The following PCDHA10 variants were observed in gnomAD, a reference collection of about 807,000 sequenced individuals.
PCDHA10 encodes the protein protocadherin alpha 10.
A neutral mutation model predicts 61.2 loss-of-function variants in PCDHA10; 45 were observed. The observed-to-expected ratio is 0.74, with a 90% CI of 0.58 to 0.94. The LOEUF is 0.94. Ranked by LOEUF, PCDHA10 falls within the 40% of genes least tolerant of loss-of-function variation. The probability of loss-of-function intolerance (pLI) is 0.00; values close to 1 mark genes in which losing one functional copy is unlikely to be tolerated. For missense variants in PCDHA10, 1,278 were observed against 1,236.2 expected (o/e 1.03, Z -0.51); for synonymous variants, 602 against 548.8 (o/e 1.10, Z -1.35).
intron 1 of PCDHA10, chr5:140,927,070 A>G (rs1697871410): frequency 1.9e-6 from 3 of 1,610,816 alleles, no homozygotes; most frequent in Non-Finnish European, 2.5e-6. Context: ...CTTCCTTTCC[A>G]GCCACCGCGA....
chr5:140,857,764 G>C lies in PCDHA10; in HGVS notation c.1716G>C (p.Ala572=), dbSNP rs552891884. 4 of 1,597,520 alleles carry C rather than the reference G, an allele frequency of 2.5e-6. No homozygotes were observed. The highest frequency in any genetic ancestry group is 3.4e-6 in the Non-Finnish European group (4 of 1,167,634). The change falls in exon 1 of 4, where the codon GCG becomes GCC. Residue 572 remains alanine (A), a synonymous_variant. Transcript: ENST00000307360. ...TGCTGGCGTCTCCCGCTGGCAGCGC[G>C]GGCGGTGCAGTCAGTGAGCTGGTGC... ...PALLASPAGS[A]GGAVSELVLR...
At chr5:140,980,722 A>G (rs1318137295) in intron 2 of PCDHA10, among the ~76,000 whole-genome samples, 1 of 152,356 alleles carries the variant, frequency 6.6e-6, no homozygotes, top group South Asian at 2.1e-4. Context: ...TCGGGTTTCA[A>G]TTAAGATATT....
chr5:140,993,270 G>A (rs190721014), intron 3 of PCDHA10, among the ~76,000 whole-genome samples: 360 of 151,912 alleles, frequency 2.4e-3, no homozygotes, highest in African/African-American at 8.3e-3. Context: ...AGCTTCTTTG[G>A]TCTTTTCTTG....
At chr5:140,942,351 G>GCAGTTAA (rs1563195355) in intron 1 of PCDHA10, among the ~76,000 whole-genome samples, 1 of 152,024 alleles carries the variant, frequency 6.6e-6, no homozygotes. Context: ...GGCGGAGGTT[G>GCAGTTAA]CAGTTAACGG....
intron 1 of PCDHA10, among the ~76,000 whole-genome samples, chr5:140,893,800 T>C (rs1483033571): frequency 6.6e-6 from 1 of 152,174 alleles, no homozygotes; most frequent in Non-Finnish European, 1.5e-5. Flanking sequence ...ATTCCCTCCT[T>C]GTCTTGAGTC....
At chr5:140,927,694 G>A in intron 1 of PCDHA10, 1 of 1,614,202 alleles carries the variant, frequency 6.2e-7, no homozygotes, top group Non-Finnish European at 8.5e-7. Context: ...CAATGGGGAA[G>A]TCCAGTACTC....
chr5:140,941,461 G>A (rs1202773112), intron 1 of PCDHA10, among the ~76,000 whole-genome samples: 7 of 150,524 alleles, frequency 4.7e-5, no homozygotes, highest in Non-Finnish European at 7.4e-5. Context: ...GATTACAGGC[G>A]CCCACCACCA....
chr5:140,858,904 C>A (rs2045655579), intron 1 of PCDHA10: 1 of 197,854 alleles, frequency 5.1e-6, no homozygotes, highest in East Asian at 1.5e-4. Context: ...TGTAGCGTAC[C>A]ACAGCTTATA....
At chr5:140,959,541 C>T (rs2095493793) in intron 1 of PCDHA10, among the ~76,000 whole-genome samples, 1 of 152,002 alleles carries the variant, frequency 6.6e-6, no homozygotes, top group Non-Finnish European at 1.5e-5. Flanking sequence ...TTCAGAGATG[C>T]TGTATAAATA....
Position 140,884,687 on chromosome 5 carries a change from T to C in PCDHA10, c.2388+26251T>C, listed in dbSNP as rs782253030. The C allele has an allele frequency of 4.6e-6, 7 of 1,538,230 alleles. No homozygotes were observed. In the South Asian group the frequency reaches 8.8e-5, roughly 19 times the overall value. On this transcript the variant is annotated intron_variant, in intron 1 of 3. Coordinates refer to ENST00000307360, the MANE Select transcript of PCDHA10 (RefSeq NM_018901.4). ...GGTAAGCTTATATTTTAAAAAATTGTCTTAGTAAACACTTTAGCCTTCCTT... is the reference window on the plus strand; with the variant it reads ...GGTAAGCTTATATTTTAAAAAATTGCCTTAGTAAACACTTTAGCCTTCCTT...
In PCDHA10 at chr5:140,946,631, T is replaced by TATAC. The variant is rs57893927; in HGVS notation, c.2389-32317_2389-32316insTACA. ...TGTGAAATATATATATATATATATA[T>TATAC]ACAATGGAATACTCATCAGCCATTA... On this transcript the variant is annotated intron_variant, in intron 1 of 3. Transcript: ENST00000307360. 2.4e-4 allele frequency among the ~76,000 whole-genome samples: 32 copies of TATAC among 131,838 alleles called. 1 individual carries two copies. The highest frequency in any genetic ancestry group is 4.2e-4 in the African/African-American group (12 of 28,706). 86.5% of individuals were successfully genotyped at this position (131,838 alleles called of 152,430 possible).
chr5:140,911,134 C>T (rs2075341856), intron 1 of PCDHA10, among the ~76,000 whole-genome samples: 1 of 152,108 alleles, frequency 6.6e-6, no homozygotes. Context: ...TCAGGCAGTG[C>T]AGGGTTTTTC....
chr5:140,939,034 A>T (rs1367274051), intron 1 of PCDHA10, among the ~76,000 whole-genome samples: 1 of 152,216 alleles, frequency 6.6e-6, no homozygotes, highest in Non-Finnish European at 1.5e-5. Context: ...TATTCGGAAG[A>T]GTTGTCTTAG....
At chr5:140,923,753 T>C (rs1554201575) in intron 1 of PCDHA10, among the ~76,000 whole-genome samples, 1 of 152,174 alleles carries the variant, frequency 6.6e-6, no homozygotes. Flanking sequence ...AGGCATATGG[T>C]GGGACAAATC....
At chr5:140,986,668 A>C (rs927109652) in intron 3 of PCDHA10, among the ~76,000 whole-genome samples, 15 of 152,192 alleles carry the variant, frequency 9.9e-5, no homozygotes, top group African/African-American at 3.6e-4. Context: ...CACAGTTTTC[A>C]GAAGAGTTCA....
chr5:140,968,868 A>G, intron 1 of PCDHA10: 6 of 1,614,140 alleles, frequency 3.7e-6, no homozygotes, highest in Non-Finnish European at 5.1e-6. Flanking sequence ...CCTCGGACAT[A>G]CTCTGAAATT....
rs781960813 is a variant in PCDHA10 at position 140,883,266 on chromosome 5, A to C, written c.2388+24830A>C. On this transcript the variant is annotated intron_variant, in intron 1 of 3. Transcript: ENST00000307360. ...AAAGGAAATATTCCAATGGCGGGTCATTGTACCCTTTTGGTGGAAGTACTA... is the reference window on the plus strand; with the variant it reads ...AAAGGAAATATTCCAATGGCGGGTCCTTGTACCCTTTTGGTGGAAGTACTA... 2.7e-5 allele frequency: 43 copies of C among 1,614,082 alleles called. No individual in the cohort carries two copies. In the African/African-American group the frequency reaches 4.7e-4, roughly 18 times the overall value.
At chr5:140,966,806 C>T in intron 1 of PCDHA10, 1 of 1,546,832 alleles carries the variant, frequency 6.5e-7, no homozygotes, top group Non-Finnish European at 8.7e-7. Context: ...GACAGAGCAT[C>T]CACGGCTCCG....
chr5:140,949,528 A>G (rs2094388709), intron 1 of PCDHA10, among the ~76,000 whole-genome samples: 1 of 151,854 alleles, frequency 6.6e-6, no homozygotes, highest in Non-Finnish European at 1.5e-5. Context: ...TTTTATCTTC[A>G]TAAAATATCG....
Sources: gnomAD v4.1 joint callset for allele counts (sites outside exome capture counted in the v4.1 genomes callset) on GRCh38, gnomAD v4.1.1 for gene constraint, MANE v1.5 for transcripts, NCBI Gene and HGNC (gene_info 2026-07-23, HGNC 2026-07-21) for gene names.